Variants in NCAM2 observed in about 807,000 individuals in gnomAD.
NCAM2 encodes neural cell adhesion molecule 2.
A neutral mutation model predicts 98.1 loss-of-function variants in NCAM2; 30 were observed. That is an observed-to-expected ratio of 0.31 (90% CI 0.23 to 0.41). The LOEUF is 0.41. NCAM2 is among the 10% of genes least tolerant of loss of function. The probability of loss-of-function intolerance (pLI) is 1.00; values close to 1 mark genes in which losing one functional copy is unlikely to be tolerated. For synonymous variants in NCAM2, 368 were observed against 342.4 expected, an observed-to-expected ratio of 1.07 and a Z score of -0.83; for missense variants, 867 against 1,005.8, an observed-to-expected ratio of 0.86 and a Z score of 1.87.
intron 11 of NCAM2, among the ~76,000 whole-genome samples, chr21:21,424,391 T>C (rs1390379565): frequency 6.6e-6 from 1 of 152,152 alleles, no homozygotes; most frequent in Non-Finnish European, 1.5e-5. Context: ...TCTTTACACA[T>C]AAGTTGGAGT....
chr21:21,532,156 T>C lies in NCAM2; in HGVS notation c.2283-2381T>C, dbSNP rs575996108. 5.9e-5 allele frequency among the ~76,000 whole-genome samples: 9 copies of C among 151,964 alleles called. 1 individual carries two copies. Among genetic ancestry groups the C allele is most frequent in the Admixed American group, 5.9e-4 (9 of 15,252 alleles). On this transcript the variant is annotated intron_variant, in intron 16 of 17. Transcript: ENST00000400546. The stretch of plus-strand genomic sequence containing the variant: ...AAAAAGTTAAAAATAACCTAAATGT[T>C]TGTCAGTTGGTAACTGGTTAAATAT...
chr21:21,045,965 A>G (rs1387567831), intron 1 of NCAM2, among the ~76,000 whole-genome samples: 1 of 152,196 alleles, frequency 6.6e-6, no homozygotes, highest in Admixed American at 6.5e-5. Flanking sequence ...CCTGGATTCA[A>G]ATTTTGATAG....
chr21:21,282,485 A>G (rs1177141357), intron 2 of NCAM2, among the ~76,000 whole-genome samples: 1 of 151,734 alleles, frequency 6.6e-6, no homozygotes, highest in African/African-American at 2.4e-5. Context: ...AGTCTTATTT[A>G]TATTAAATAT....
At chr21:21,318,216 A>G (rs749746658) in intron 5 of NCAM2, among the ~76,000 whole-genome samples, 1 of 152,202 alleles carries the variant, frequency 6.6e-6, no homozygotes, top group African/African-American at 2.4e-5. Flanking sequence ...AAGAATATAA[A>G]AATTGCCATG....
intron 1 of NCAM2, among the ~76,000 whole-genome samples, chr21:21,251,744 G>GGT (rs1555841593): frequency 4.2e-5 from 6 of 143,542 alleles, no homozygotes; most frequent in South Asian, 2.2e-4. Context: ...ACTTTTTGAT[G>GGT]TTTTTTTTTT....
At chr21:21,477,719 T>G (rs1417744227) in intron 15 of NCAM2, among the ~76,000 whole-genome samples, 2 of 152,054 alleles carry the variant, frequency 1.3e-5, no homozygotes, top group African/African-American at 2.4e-5. Context: ...TAGGAGAACA[T>G]AGAGAGTAAG....
At chr21:21,307,497 A>G (rs982887488) in intron 5 of NCAM2, among the ~76,000 whole-genome samples, 4 of 152,190 alleles carry the variant, frequency 2.6e-5, no homozygotes, top group African/African-American at 9.7e-5. Context: ...AAGTCCACAT[A>G]GGCTCTGCTG....
Position 21,024,394 on chromosome 21 carries a change from A to G in NCAM2, c.55+25776A>G, listed in dbSNP as rs143635445. Among the ~76,000 whole-genome samples the G allele has an allele frequency of 3.5e-3, 537 of 152,294 alleles. 4 individuals are homozygous for G. Among genetic ancestry groups the G allele is most frequent in the African/African-American group, 0.012 (516 of 41,554 alleles). On this transcript the variant is annotated intron_variant, in intron 1 of 17. Coordinates refer to ENST00000400546, the MANE Select transcript of NCAM2 (RefSeq NM_004540.5). ...TCTCCAAGAAATCCTGGGGGGGGAA[A>G]AAACAGAGAAAATTGAAGTATTTAT...
chr21:21,294,704 A>T (rs1443564354), intron 5 of NCAM2, among the ~76,000 whole-genome samples: 1 of 151,888 alleles, frequency 6.6e-6, no homozygotes, highest in East Asian at 1.9e-4. Context: ...GACTAATGCC[A>T]TCAGACGCCT....
At chr21:21,400,537 T>C (rs1259701101) in intron 9 of NCAM2, among the ~76,000 whole-genome samples, 1 of 152,008 alleles carries the variant, frequency 6.6e-6, no homozygotes, top group Non-Finnish European at 1.5e-5. Flanking sequence ...TTATTTACCC[T>C]CATGTAGTCT....
chr21:21,178,615 C>T (rs944584703), intron 1 of NCAM2, among the ~76,000 whole-genome samples: 5 of 151,926 alleles, frequency 3.3e-5, no homozygotes, highest in Non-Finnish European at 5.9e-5. Context: ...GACATGCTTA[C>T]TAACTTCATA....
chr21:21,135,617 C>A (rs2067032329), intron 1 of NCAM2, among the ~76,000 whole-genome samples: 1 of 152,140 alleles, frequency 6.6e-6, no homozygotes, highest in Non-Finnish European at 1.5e-5. Flanking sequence ...GCGGTTGCAT[C>A]TTCTAACCAT....
chr21:21,199,825 G>A (rs1404802750), intron 1 of NCAM2, among the ~76,000 whole-genome samples: 1 of 151,988 alleles, frequency 6.6e-6, no homozygotes, highest in East Asian at 1.9e-4. Flanking sequence ...ATGAATGTGA[G>A]CTATTTATGT....
intron 7 of NCAM2, among the ~76,000 whole-genome samples, chr21:21,336,453 A>G (rs2074872450): frequency 6.6e-6 from 1 of 152,010 alleles, no homozygotes; most frequent in African/African-American, 2.4e-5. Flanking sequence ...ATTTGGAGAT[A>G]TACCTAATGT....
chr21:21,191,088 G>T (rs1454995189), intron 1 of NCAM2, among the ~76,000 whole-genome samples: 1 of 152,040 alleles, frequency 6.6e-6, no homozygotes, highest in Admixed American at 6.6e-5. Flanking sequence ...ATAAATTGAG[G>T]CCATGTGAGG....
chr21:21,141,816 T>C (rs1172433122), intron 1 of NCAM2, among the ~76,000 whole-genome samples: 1 of 152,212 alleles, frequency 6.6e-6, no homozygotes, highest in Non-Finnish European at 1.5e-5. Context: ...GGCATTTGTC[T>C]GAAGTGAACT....
At chr21:21,321,659 C>G (rs924189550) in intron 5 of NCAM2, among the ~76,000 whole-genome samples, 1 of 152,118 alleles carries the variant, frequency 6.6e-6, no homozygotes, top group African/African-American at 2.4e-5. Flanking sequence ...CCCAGCACCA[C>G]TTACCGAATA....
chr21:21,298,384 A>C (rs2073570597), intron 5 of NCAM2, among the ~76,000 whole-genome samples: 1 of 50 alleles, frequency 0.02, no homozygotes, highest in African/African-American at 0.042. Context: ...ACAATATATA[A>C]ATTTACCCAA....
At chr21:21,355,467 C>CAA (rs1191479876) in intron 8 of NCAM2, among the ~76,000 whole-genome samples, 766 of 66,854 alleles carry the variant, frequency 0.011, 21 homozygotes, top group African/African-American at 0.035. Flanking sequence ...GACTATGTCT[C>CAA]AAAAAAAAAA....
Sources: allele counts gnomAD v4.1 joint callset (sites outside exome capture counted in the v4.1 genomes callset), GRCh38; gene constraint gnomAD v4.1.1; transcripts MANE v1.5; gene names NCBI Gene and HGNC (gene_info 2026-07-23, HGNC 2026-07-21).